Variants in EDA observed in about 807,000 individuals in gnomAD.
EDA encodes the protein ectodysplasin A, also known as ectodysplasin-A.
A neutral mutation model predicts 23.6 loss-of-function variants in EDA; 2 were observed. The ratio of observed to expected loss-of-function variants is 0.08; its 90% CI spans 0.03 to 0.27. The LOEUF (loss-of-function observed/expected upper bound fraction) is 0.27, where lower values mean the gene tolerates loss of function less well. Among genes scored for constraint, EDA ranks in the 10% least tolerant of loss-of-function variants. The pLI is 1.00. For missense variants in EDA, 229 were observed against 324.2 expected (o/e 0.71, Z 2.26); for synonymous variants, 131 against 132.0 (o/e 0.99, Z 0.05).
intron 6 of EDA, 72 bp from the exon 7 acceptor site, chrX:70,033,326 C>A (rs1006522305): frequency 2.7e-5 from 32 of 1,194,801 alleles, no homozygotes; most frequent in Non-Finnish European, 3.4e-5. Flanking sequence ...GTTGTGAACT[C>A]CTTGGTATTT....
chrX:69,924,687 T>C (rs907420354), intron 1 of EDA, among the ~76,000 whole-genome samples: 6 of 112,175 alleles, frequency 5.3e-5, no homozygotes, highest in African/African-American at 1.9e-4. Flanking sequence ...CTGTGAGGAA[T>C]GTCAATGGTA....
chrX:69,679,306 G>A (rs1427634764), intron 1 of EDA, among the ~76,000 whole-genome samples: 3 of 104,152 alleles, frequency 2.9e-5, no homozygotes, highest in East Asian at 3.2e-4. Flanking sequence ...GTCTCTGCCC[G>A]GCTTTTGTAT....
intron 1 of EDA, among the ~76,000 whole-genome samples, chrX:69,809,451 C>T (rs5936756): frequency 0.038 from 4,226 of 111,038 alleles, 93 homozygotes; most frequent in Non-Finnish European, 0.06. Context: ...CCACTGAGTC[C>T]CTCCCTCCAA....
chrX:70,011,738 G>A (rs1213278060), intron 2 of EDA, among the ~76,000 whole-genome samples: 2 of 111,547 alleles, frequency 1.8e-5, no homozygotes, highest in Non-Finnish European at 3.8e-5. Flanking sequence ...CTAGCAACAA[G>A]CTCCTTCTTT....
chrX:69,742,388 A>T (rs764730774), intron 1 of EDA, among the ~76,000 whole-genome samples: 100 of 111,808 alleles, frequency 8.9e-4, no homozygotes, highest in Non-Finnish European at 1.7e-3. Flanking sequence ...TGTTACACTG[A>T]TCTGGGGAAA....
At chrX:69,869,534 C>A (rs1245729467) in intron 1 of EDA, among the ~76,000 whole-genome samples, 1 of 111,599 alleles carries the variant, frequency 9.0e-6, no homozygotes, top group Non-Finnish European at 1.9e-5. Context: ...TCAAGGGGTT[C>A]TGGGTCTGTA....
At chrX:69,992,984 G>A (rs1373642362) in intron 2 of EDA, among the ~76,000 whole-genome samples, 1 of 110,671 alleles carries the variant, frequency 9.0e-6, no homozygotes, top group African/African-American at 3.3e-5. Flanking sequence ...ATTTTTGTGT[G>A]TGGTCTGATA....
At position 69,814,610 on chromosome X, in the gene EDA, A is replaced by G. The variant is rs1237318815; in HGVS notation, c.397-142417A>G. ...TGTGGCACTCACAGAGAGGAATGAA[A>G]AGGGGTGAGTGAATTCAGCACCTTC... On this transcript the variant is annotated intron_variant, in intron 1 of 7. Transcript: ENST00000374552. Among the ~76,000 whole-genome samples the G allele has an allele frequency of 2.7e-5, 3 of 112,443 alleles. No individual in the cohort carries two copies. The East Asian group carries it at 8.4e-4, about 32-fold the overall frequency.
intron 1 of EDA, among the ~76,000 whole-genome samples, chrX:69,886,554 G>A (rs948861423): frequency 9.0e-6 from 1 of 111,527 alleles, no homozygotes; most frequent in African/African-American, 3.3e-5. Flanking sequence ...TACCCACTCA[G>A]TGATCCAACA....
intron 7 of EDA, among the ~76,000 whole-genome samples, chrX:70,034,391 A>G (rs1393189820): frequency 1.8e-5 from 2 of 111,728 alleles, no homozygotes; most frequent in Non-Finnish European, 3.8e-5. Context: ...GCACCCAAAT[A>G]TGCTGTTCCC....
At position 69,787,984 on chromosome X, in the gene EDA, T is replaced by C. The variant is rs1201980403; in HGVS notation, c.397-169043T>C. ...AGTCCCATATTTCTTGGAGGCTTTG[T>C]TCATTTCTTTTTATTCTTTTTTCTC... On this transcript the variant is annotated intron_variant, in intron 1 of 7. Transcript: ENST00000374552. Among the ~76,000 whole-genome samples, 12 of 111,368 alleles carry C rather than the reference T, an allele frequency of 1.1e-4. No individual in the cohort carries two copies. In the East Asian group the frequency reaches 1.7e-3, roughly 16 times the overall value.
intron 1 of EDA, among the ~76,000 whole-genome samples, chrX:69,730,988 G>A (rs954962628): frequency 3.6e-5 from 4 of 112,282 alleles, no homozygotes; most frequent in Non-Finnish European, 5.6e-5. Flanking sequence ...GTGAAACCAT[G>A]TCAACCTGAA....
At chrX:69,645,737 C>A (rs1362214883) in intron 1 of EDA, among the ~76,000 whole-genome samples, 1 of 106,143 alleles carries the variant, frequency 9.4e-6, no homozygotes, top group Non-Finnish European at 1.9e-5. Flanking sequence ...TTAACTCGAA[C>A]CTGATGTAAA....
At chrX:69,995,189 C>T (rs2019639746) in intron 2 of EDA, among the ~76,000 whole-genome samples, 1 of 111,962 alleles carries the variant, frequency 8.9e-6, no homozygotes, top group Non-Finnish European at 1.9e-5. Flanking sequence ...TACATCTGCC[C>T]CACTATTTGA....
intron 1 of EDA, among the ~76,000 whole-genome samples, chrX:69,953,928 G>A (rs2018963400): frequency 9.0e-6 from 1 of 111,714 alleles, no homozygotes; most frequent in Non-Finnish European, 1.9e-5. Context: ...AAATTTTAGG[G>A]GGTGATGGAA....
chrX:69,777,144 T>TTGTTG (rs374930096), intron 1 of EDA, among the ~76,000 whole-genome samples: 5,920 of 106,741 alleles, frequency 0.055, 138 homozygotes, highest in African/African-American at 0.087. Context: ...GATTCTGGGT[T>TTGTTG]TTGTTGTTGT....
chrX:69,666,204 T>G (rs1249789670), intron 1 of EDA, among the ~76,000 whole-genome samples: 2 of 112,491 alleles, frequency 1.8e-5, no homozygotes, highest in Non-Finnish European at 3.8e-5. Flanking sequence ...TTTTATGGAC[T>G]TGGGGTTTTT....
At chrX:69,764,098 A>G (rs2014393361) in intron 1 of EDA, among the ~76,000 whole-genome samples, 1 of 109,470 alleles carries the variant, frequency 9.1e-6, no homozygotes, top group Non-Finnish European at 1.9e-5. Flanking sequence ...AGAACAAAGG[A>G]AAGTGTATAT....
chrX:69,842,516 T>C, intron 1 of EDA, among the ~76,000 whole-genome samples: 1 of 112,220 alleles, frequency 8.9e-6, no homozygotes. Context: ...GCCAAAAATA[T>C]TGGGGACCAC....
Sources: allele counts gnomAD v4.1 joint callset (sites outside exome capture counted in the v4.1 genomes callset), GRCh38; gene constraint gnomAD v4.1.1; transcripts MANE v1.5; gene names NCBI Gene and HGNC (gene_info 2026-07-23, HGNC 2026-07-21).